CHORDC1: variants seen among roughly 807,000 people sequenced by gnomAD.
CHORDC1 encodes the protein cysteine and histidine-rich domain-containing protein 1.
A neutral mutation model predicts 48.3 loss-of-function variants in CHORDC1; 25 were observed. The observed-to-expected ratio is 0.52, with a 90% confidence interval of 0.38 to 0.72. CHORDC1 has a LOEUF of 0.72. CHORDC1 is among the 30% of genes least tolerant of loss of function. The pLI is 0.00. For missense variants in CHORDC1, 317 were observed against 388.7 expected, an observed-to-expected ratio of 0.82 and a Z score of 1.55; for synonymous variants, 128 against 126.4, an observed-to-expected ratio of 1.01 and a Z score of -0.09.
intron 6 of CHORDC1, chr11:90,208,659 G>A (rs1475209052): frequency 6.6e-6 from 1 of 152,032 alleles, no homozygotes; most frequent in Non-Finnish European, 1.5e-5. Flanking sequence ...CTCAGAAACA[G>A]AAAAAACATA....
At chr11:90,221,692 G>A (rs2135061683) in intron 1 of CHORDC1, among the ~76,000 whole-genome samples, 1 of 152,316 alleles carries the variant, frequency 6.6e-6, no homozygotes, top group East Asian at 1.9e-4. Context: ...TTCCTCATGA[G>A]TAGCATCATA....
At chr11:90,211,342 A>T (rs759932948) in intron 4 of CHORDC1, 24 bp from the exon 5 acceptor site, 4 of 1,417,574 alleles carry the variant, frequency 2.8e-6, no homozygotes, top group Non-Finnish European at 4.0e-6. Context: ...AAACCTTATT[A>T]CCATTATTAA....
At chr11:90,218,259 A>C in intron 1 of CHORDC1, 75 bp from the exon 2 acceptor site, 1 of 1,117,104 alleles carries the variant, frequency 9.0e-7, no homozygotes, top group Non-Finnish European at 1.3e-6. Flanking sequence ...TCATCTCCTT[A>C]AGGTGTTAAC....
Position 90,200,780 on chromosome 11 carries a change from G to A in CHORDC1, c.*1625C>T, listed in dbSNP as rs1857526780. Among the ~76,000 whole-genome samples the A allele has an allele frequency of 6.6e-6, 1 of 151,944 alleles. No individual in the cohort carries two copies. The highest frequency in any genetic ancestry group is 1.5e-5 in the Non-Finnish European group (1 of 67,838). ...TACTGTTTAGGGGAAAACAGCCTCA[G>A]AAGGAAGTATGAACAAAAAGGGATA... is the stretch of plus-strand genomic sequence containing the variant. On this transcript the variant is annotated 3_prime_UTR_variant, in exon 11 of 11. Transcript: ENST00000320585.
At chr11:90,219,848 C>G (rs1205729930) in intron 1 of CHORDC1, among the ~76,000 whole-genome samples, 1 of 152,148 alleles carries the variant, frequency 6.6e-6, no homozygotes, top group Non-Finnish European at 1.5e-5. Context: ...AGATGGAGTA[C>G]TATATTTTTA....
chr11:90,222,856 G>C lies in CHORDC1; in HGVS notation c.64+35C>G, dbSNP rs767458351. On this transcript the variant is annotated intron_variant, in intron 1 of 10. Transcript: ENST00000320585. The stretch of plus-strand genomic sequence containing the variant: ...AAGGGCCTCCCCTGCTGATGAGGTG[G>C]AGGGGAGGGAGGGCTGGCGGCGCGT... 2.5e-6 allele frequency: 4 copies of C among 1,584,438 alleles called. 1 individual carries two copies. In the South Asian group the frequency reaches 3.3e-5, roughly 13 times the overall value.
At chr11:90,221,525 A>G (rs1858172089) in intron 1 of CHORDC1, among the ~76,000 whole-genome samples, 1 of 152,144 alleles carries the variant, frequency 6.6e-6, no homozygotes, top group African/African-American at 2.4e-5. Flanking sequence ...CCTGAACTTT[A>G]TTGTCTCATA....
intron 8 of CHORDC1, among the ~76,000 whole-genome samples, chr11:90,203,920 T>C (rs1857603385): frequency 6.6e-6 from 1 of 152,172 alleles, no homozygotes; most frequent in Admixed American, 6.5e-5. Flanking sequence ...CTTCCCATTT[T>C]AATAAAGAAC....
At position 90,214,188 on chromosome 11, in the gene CHORDC1, G is replaced by A. The variant is rs751920197; in HGVS notation, c.172-13C>T. On this transcript the variant is annotated splice_polypyrimidine_tract_variant and intron_variant, in intron 3 of 10. Coordinates refer to ENST00000320585, the MANE Select transcript of CHORDC1 (RefSeq NM_012124.3). Reference sequence around the variant, plus strand: ...CTTTTGTACAGCCCTGTTAGTGAAAGATAATTCATTAAGAGCTATCTATTT... The same window carrying A: ...CTTTTGTACAGCCCTGTTAGTGAAAAATAATTCATTAAGAGCTATCTATTT... The A allele has an allele frequency of 1.9e-6, 3 of 1,572,598 alleles. No individual in the cohort carries two copies. Among genetic ancestry groups the A allele is most frequent in the East Asian group, 4.5e-5 (2 of 44,130 alleles).
intron 6 of CHORDC1, chr11:90,207,778 A>AC (rs398017046): frequency 3.5e-5 from 5 of 143,432 alleles, no homozygotes; most frequent in African/African-American, 1.0e-4. Context: ...AAAAAAAAAA[A>AC]CAAAAAAAAC....
At chr11:90,208,949 C>T (rs1376957225) in intron 6 of CHORDC1, 1 of 152,170 alleles carries the variant, frequency 6.6e-6, no homozygotes, top group Non-Finnish European at 1.5e-5. Context: ...AATCTCAATT[C>T]CACAGCAGCA....
At chr11:90,221,302 C>G (rs944519545) in intron 1 of CHORDC1, among the ~76,000 whole-genome samples, 1 of 152,176 alleles carries the variant, frequency 6.6e-6, no homozygotes, top group Non-Finnish European at 1.5e-5. Flanking sequence ...TCTTCTCCTT[C>G]CATTCACTCA....
intron 1 of CHORDC1, among the ~76,000 whole-genome samples, chr11:90,219,543 A>G (rs1408761149): frequency 6.6e-6 from 1 of 152,248 alleles, no homozygotes; most frequent in Non-Finnish European, 1.5e-5. Flanking sequence ...AGGGCAAGGA[A>G]CAACTGTCCC....
At chr11:90,208,980 T>A (rs1270684046) in intron 6 of CHORDC1, 2 of 152,150 alleles carry the variant, frequency 1.3e-5, no homozygotes, top group African/African-American at 2.4e-5. Flanking sequence ...ATTACATAAT[T>A]TTCTCTATAC....
intron 2 of CHORDC1, among the ~76,000 whole-genome samples, chr11:90,217,053 A>T (rs1858030358): frequency 1.3e-5 from 2 of 152,234 alleles, no homozygotes; most frequent in African/African-American, 4.8e-5. Context: ...CACCACAACA[A>T]AGATTTGTAA....
chr11:90,210,628 TTAAAA>T, intron 5 of CHORDC1, 34 bp from the exon 6 acceptor site: 3 of 1,400,570 alleles, frequency 2.1e-6, no homozygotes, highest in Non-Finnish European at 3.0e-6. Context: ...AATTAAAAAG[TTAAAA>T]TAGAACTTCG....
At chr11:90,215,854 CA>C (rs1277504451) in intron 2 of CHORDC1, among the ~76,000 whole-genome samples, 1 of 151,888 alleles carries the variant, frequency 6.6e-6, no homozygotes, top group African/African-American at 2.4e-5. Context: ...GTTTATAGAG[CA>C]TAGGGAAACA....
chr11:90,202,616 C>T (rs1857569526), intron 10 of CHORDC1, 65 bp from the exon 11 acceptor site: 2 of 1,553,208 alleles, frequency 1.3e-6, no homozygotes, highest in Non-Finnish European at 1.8e-6. Flanking sequence ...AGGAAAACAT[C>T]AGACTTGCTT....
chr11:90,214,219 T>A (rs1398380705), intron 3 of CHORDC1, 44 bp from the exon 4 acceptor site: 2 of 1,373,170 alleles, frequency 1.5e-6, no homozygotes, highest in African/African-American at 3.0e-5. Context: ...TATTTTACAT[T>A]TCATGATAGA....
Sources: gnomAD v4.1 joint callset for allele counts (sites outside exome capture counted in the v4.1 genomes callset) on GRCh38, gnomAD v4.1.1 for gene constraint, MANE v1.5 for transcripts, NCBI Gene and HGNC (gene_info 2026-07-23, HGNC 2026-07-21) for gene names.